Variants in ABCA8 observed in about 807,000 individuals in gnomAD.
ABCA8 encodes ABC-type organic anion transporter ABCA8.
Under a neutral mutation model 192.3 loss-of-function variants are expected in ABCA8, and 177 were observed. The ratio of observed to expected loss-of-function variants is 0.92; its 90% CI spans 0.81 to 1.04. ABCA8 has a LOEUF of 1.04. Among genes scored for constraint, ABCA8 ranks in the 50% least tolerant of loss-of-function variants. ABCA8 has a pLI of 0.00. For synonymous variants in ABCA8, 642 were observed against 690.2 expected, an observed-to-expected ratio of 0.93 and a Z score of 1.09; for missense variants, 1,915 against 1,904.8, an observed-to-expected ratio of 1.01 and a Z score of -0.10.
At chr17:68,929,492 G>T in intron 8 of ABCA8, 69 bp downstream of exon 8, 4 of 1,497,080 alleles carry the variant, frequency 2.7e-6, no homozygotes, top group Non-Finnish European at 3.6e-6. Flanking sequence ...GGCATACAGA[G>T]TAATCAGTCG....
At chr17:68,881,057 G>A in intron 32 of ABCA8, 63 bp downstream of exon 32, 1 of 1,158,748 alleles carries the variant, frequency 8.6e-7, no homozygotes, top group Non-Finnish European at 1.3e-6. Flanking sequence ...TGTTTTTAAG[G>A]TCATCAAATC....
At position 68,894,225 on chromosome 17, in the gene ABCA8, C is replaced by T; in HGVS notation, c.2984G>A (p.Gly995Glu). The T allele has an allele frequency of 6.2e-7, 1 of 1,613,290 alleles. No individual in the cohort carries two copies. The highest frequency in any genetic ancestry group is 1.7e-5 in the Admixed American group (1 of 59,988). The change falls in exon 23 of 40, where the codon GGA becomes GAA. Residue 995 changes from glycine to glutamate, a missense_variant. By Grantham distance (98) the Gly-to-Glu change is moderately conservative. Transcript: ENST00000586539. ...LMDIVSNGLL[G>E]MVKPSVHIRT... is the part of the protein sequence containing the mutation. ...GATATGTACTGATGGTTTAACCATTCCAAGTAGCCCATTACTAACAATGTC... is the reference window on the plus strand; with the variant it reads ...GATATGTACTGATGGTTTAACCATTTCAAGTAGCCCATTACTAACAATGTC...
At position 68,877,614 on chromosome 17, in the gene ABCA8, G is replaced by A. The variant is rs375417567; in HGVS notation, c.4104C>T (p.Asn1368=). ...LEFLGYCPQE[N]ALWPNLTVRQ... The stretch of plus-strand genomic sequence containing the variant: ...TCACTGTCAGGTTGGGCCACAGCGC[G>A]TTCTCCTGAGGGCAGTACCCCAGGA... Residue 1368 remains asparagine, a synonymous_variant, in exon 33 of 40, where the codon AAC becomes AAT. Transcript: ENST00000586539. 114 of 1,613,930 alleles carry A rather than the reference G, an allele frequency of 7.1e-5. No homozygotes were observed. Among genetic ancestry groups the A allele is most frequent in the Non-Finnish European group, 9.1e-5 (107 of 1,179,976 alleles).
At chr17:68,868,782 C>T (rs1255155346) in intron 38 of ABCA8, among the ~76,000 whole-genome samples, 1 of 152,128 alleles carries the variant, frequency 6.6e-6, no homozygotes, top group East Asian at 1.9e-4. Flanking sequence ...ACCATTGCAG[C>T]TTCCTCTGAT....
At position 68,907,653 on chromosome 17, in the gene ABCA8, T is replaced by C. The variant is rs1451517982; in HGVS notation, c.2278+87A>G. On this transcript the variant is annotated intron_variant, in intron 18 of 39. Transcript: ENST00000586539. ...CAGTACCTGAGCATACTGTAAGACA[T>C]TGATAAATGTTAGTTGTAATGATAA... 2.5e-6 allele frequency: 3 copies of C among 1,212,984 alleles called. No homozygotes were observed. In the African/African-American group the frequency reaches 4.6e-5, roughly 19 times the overall value. 75.1% of individuals were successfully genotyped at this position (1,212,984 alleles called of 1,614,324 possible).
rs760130388 is a variant in ABCA8 at position 68,891,647 on chromosome 17, T to C, written c.3037-51A>G. 4 of 1,367,324 alleles carry C rather than the reference T, an allele frequency of 2.9e-6. No individual in the cohort carries two copies. The African/African-American group carries it at 5.8e-5, about 20-fold the overall frequency. 84.7% of individuals were successfully genotyped at this position (1,367,324 alleles called of 1,614,324 possible). On this transcript the variant is annotated intron_variant, in intron 23 of 39. Coordinates refer to ENST00000586539, the MANE Select transcript of ABCA8 (RefSeq NM_001288985.2). ...ACTGAATGAAGAAATTTAAAGTTAA[T>C]TTTCTGGAATACATTTTTAAAATTT...
rs747627506 is a variant in ABCA8, at chr17:68,885,275, A to G, written c.3470T>C (p.Phe1157Ser). 9.3e-6 allele frequency: 15 copies of G among 1,613,432 alleles called. No homozygotes were observed. The South Asian group carries it at 1.6e-4, about 18-fold the overall frequency. Residue 1157 changes from phenylalanine (F) to serine (S), a missense_variant, in exon 27 of 40, where the codon TTC (phenylalanine) becomes TCC (serine). Transcript: ENST00000586539. The part of the protein sequence containing the change: ...FSVAGFAFSI[F>S]ESDIPFIFTF... The stretch of plus-strand genomic sequence containing the variant: ...GAAGATAAATGGAATATCACTTTCG[A>G]AGATACTGAACGCAAATCCAGCCAC...
rs532835404 is a variant in ABCA8, at chr17:68,925,001, G to A, written c.1274-132C>T. ...ATGTGGTCAACAGCAGGTAATGCAC[G>A]TTTTGACACATGTAGCTTCATAAGG... On this transcript the variant is annotated intron_variant, in intron 10 of 39. Coordinates refer to ENST00000586539, the MANE Select transcript of ABCA8 (RefSeq NM_001288985.2). 30 of 791,924 alleles carry A rather than the reference G, an allele frequency of 3.8e-5. No homozygotes were observed. The East Asian group carries it at 3.9e-4, about 10-fold the overall frequency. 49.1% of individuals were successfully genotyped at this position (791,924 alleles called of 1,614,324 possible). A position where few individuals can be genotyped will look rare whatever the true frequency, so the allele number is the denominator to read the frequency against.
chr17:68,868,347 C>T lies in ABCA8; in HGVS notation c.4721G>A (p.Ser1574Asn), dbSNP rs967764031. 6.2e-7 allele frequency: 1 copy of T among 1,613,384 alleles called. No individual in the cohort carries two copies. The highest frequency in any genetic ancestry group is 1.3e-5 in the African/African-American group (1 of 74,870). The change falls in exon 39 of 40, where the codon AGC becomes AAC. Residue 1574 changes from serine to asparagine, a missense_variant. Transcript: ENST00000586539. ...GAGGCTGTACTCCTCTAGGTCAAAG[C>T]TCTGTTTAACTGCATAGGGATGAAC... The part of the protein sequence containing the change: ...AFFKLEKVKQ[S>N]FDLEEYSLSQ...
At chr17:68,912,658 A>G (rs2067250404) in intron 17 of ABCA8, among the ~76,000 whole-genome samples, 1 of 152,230 alleles carries the variant, frequency 6.6e-6, no homozygotes, top group Admixed American at 6.5e-5. Flanking sequence ...GAATGTCACT[A>G]TATAATGATA....
chr17:68,888,844 G>A (rs896247239), intron 24 of ABCA8, among the ~76,000 whole-genome samples: 8 of 152,134 alleles, frequency 5.3e-5, no homozygotes, highest in African/African-American at 9.7e-5. Context: ...AGCTAGATGG[G>A]TTTGCCTAAG....
At chr17:68,920,459 T>C (rs879789186) in intron 13 of ABCA8, among the ~76,000 whole-genome samples, 5 of 147,280 alleles carry the variant, frequency 3.4e-5, no homozygotes, top group African/African-American at 1.2e-4. Context: ...AAAAAAAGAG[T>C]TGACAGATAG....
intron 36 of ABCA8, 92 bp from the exon 37 acceptor site, chr17:68,875,492 G>A: frequency 6.3e-7 from 1 of 1,594,448 alleles, no homozygotes; most frequent in Non-Finnish European, 8.6e-7. Flanking sequence ...TTGTCTCAAG[G>A]TCCCTATTGT....
At chr17:68,927,781 G>A (rs552187210) in intron 10 of ABCA8, 135 bp downstream of exon 10, 5 of 641,252 alleles carry the variant, frequency 7.8e-6, no homozygotes, top group South Asian at 5.9e-5. Flanking sequence ...GGCCAGTAGC[G>A]ACGACTTTGT....
At chr17:68,924,372 G>A (rs2067634293) in intron 11 of ABCA8, among the ~76,000 whole-genome samples, 1 of 151,170 alleles carries the variant, frequency 6.6e-6, no homozygotes, top group Non-Finnish European at 1.5e-5. Flanking sequence ...AGATAGATGA[G>A]GTGGGGACAA....
chr17:68,889,286 A>G (rs1383900168), intron 24 of ABCA8, among the ~76,000 whole-genome samples: 1 of 152,212 alleles, frequency 6.6e-6, no homozygotes, highest in Admixed American at 6.5e-5. Context: ...GGCCTGGGTT[A>G]TTAATCATAT....
chr17:68,922,171 A>G, intron 12 of ABCA8, 71 bp downstream of exon 12: 2 of 971,332 alleles, frequency 2.1e-6, no homozygotes, highest in Non-Finnish European at 2.7e-6. Context: ...TACTAATATA[A>G]CAAATATTTT....
chr17:68,894,758 C>G, intron 22 of ABCA8, 122 bp downstream of exon 22: 1 of 1,131,320 alleles, frequency 8.8e-7, no homozygotes, highest in Non-Finnish European at 1.2e-6. Flanking sequence ...ATACAATTCA[C>G]TAAGTAATAA....
chr17:68,950,194 A>T (rs2068531470), intron 1 of ABCA8, among the ~76,000 whole-genome samples: 1 of 152,172 alleles, frequency 6.6e-6, no homozygotes, highest in African/African-American at 2.4e-5. Context: ...ATAAGAAAGG[A>T]CACAAACAAA....
Sources: gnomAD v4.1 joint callset for allele counts (sites outside exome capture counted in the v4.1 genomes callset) on GRCh38, gnomAD v4.1.1 for gene constraint, MANE v1.5 for transcripts, NCBI Gene and HGNC (gene_info 2026-07-23, HGNC 2026-07-21) for gene names.